TSHZ2: variants seen among roughly 807,000 people sequenced by gnomAD.
The protein encoded by TSHZ2 is teashirt homolog 2.
Under a neutral mutation model 74.4 loss-of-function variants are expected in TSHZ2, and 21 were observed. The observed-to-expected ratio is 0.28, with a 90% confidence interval of 0.20 to 0.41. The LOEUF is 0.41. Ranked by LOEUF, TSHZ2 falls within the 10% of genes least tolerant of loss-of-function variation. TSHZ2 has a pLI of 1.00. For missense variants in TSHZ2, 1,244 were observed against 1,293.5 expected, an observed-to-expected ratio of 0.96 and a Z score of 0.59; for synonymous variants, 540 against 515.3, an observed-to-expected ratio of 1.05 and a Z score of -0.65.
chr20:53,406,781 G>A (rs73278259), intron 2 of TSHZ2, among the ~76,000 whole-genome samples: 12,944 of 152,216 alleles, frequency 0.085, 1,420 homozygotes, highest in African/African-American at 0.25. Context: ...AACATGGCGT[G>A]GGGATTGGGA....
chr20:53,370,907 G>A (rs773177349), intron 2 of TSHZ2, among the ~76,000 whole-genome samples: 2 of 152,124 alleles, frequency 1.3e-5, no homozygotes, highest in South Asian at 2.1e-4. Context: ...TAATTCTCTC[G>A]CAGTTGTGGA....
In TSHZ2 at chr20:53,163,360, C is replaced by CTTTTTTTTTT. The variant is rs55685519; in HGVS notation, c.41-90122_41-90113dup. ...TTAAGTGCACGCACGCTCTCTGTCT[C>CTTTTTTTTTT]TTTTTTTTTTTTTTTTTTTTTTTTT... On this transcript the variant is annotated intron_variant, in intron 1 of 2. Transcript: ENST00000371497. 1.3e-3 allele frequency among the ~76,000 whole-genome samples: 83 copies of CTTTTTTTTTT among 65,632 alleles called. 3 individuals are homozygous for CTTTTTTTTTT. The highest frequency in any genetic ancestry group is 1.8e-3 in the Non-Finnish European group (65 of 35,394). The allele number at this position is 65,632 out of a possible 152,430, so 43.1% of individuals were successfully genotyped here.
At chr20:53,379,592 AAGTGGAC>A (rs1278068839) in intron 2 of TSHZ2, among the ~76,000 whole-genome samples, 1 of 152,162 alleles carries the variant, frequency 6.6e-6, no homozygotes, top group Non-Finnish European at 1.5e-5. Flanking sequence ...AGTGAATTAG[AAGTGGAC>A]AGTCTCTTGG....
In TSHZ2 at chr20:53,255,438, G is replaced by A; in HGVS notation, c.1980G>A (p.Glu660=). Residue 660 remains glutamate, a synonymous_variant, in exon 2 of 3, where the codon GAG becomes GAA. Coordinates refer to ENST00000371497, the MANE Select transcript of TSHZ2 (RefSeq NM_173485.6). The surrounding 1 kb of genome is among the most constrained non-coding windows in gnomAD (Gnocchi z 4.1). ...AGGAGGAGGAGAAGCTGATGAAAGA[G>A]GGCAGCGAGAAGGAGAAACCCCAGC... is the stretch of plus-strand genomic sequence containing the variant. ...PLKEEEKLMK[E]GSEKEKPQPL... The A allele has an allele frequency of 1.2e-6, 2 of 1,612,100 alleles. No individual in the cohort carries two copies. Among genetic ancestry groups the A allele is most frequent in the Non-Finnish European group, 1.7e-6 (2 of 1,180,004 alleles).
intron 2 of TSHZ2, among the ~76,000 whole-genome samples, chr20:53,286,437 G>A (rs962951030): frequency 1.1e-4 from 16 of 152,160 alleles, no homozygotes; most frequent in Non-Finnish European, 1.3e-4. Context: ...CTTTTTCAGG[G>A]CATTTTCCCT....
At chr20:53,267,080 G>A (rs765131223) in intron 2 of TSHZ2, among the ~76,000 whole-genome samples, 44 of 152,224 alleles carry the variant, frequency 2.9e-4, no homozygotes, top group Middle Eastern at 3.4e-3. Flanking sequence ...GCCCGGCCTC[G>A]ATGATGATTA....
chr20:53,081,588 A>G (rs1369152680), intron 1 of TSHZ2, among the ~76,000 whole-genome samples: 1 of 152,212 alleles, frequency 6.6e-6, no homozygotes, highest in Non-Finnish European at 1.5e-5. Context: ...GTAGGATTCC[A>G]GGTAACACTC....
chr20:53,341,598 T>TA (rs1980205805), intron 2 of TSHZ2, among the ~76,000 whole-genome samples: 1 of 152,126 alleles, frequency 6.6e-6, no homozygotes, highest in South Asian at 2.1e-4. Context: ...GTGCTGGAAT[T>TA]ACAGGCTTAA....
At chr20:53,319,511 T>C (rs1979162779) in intron 2 of TSHZ2, among the ~76,000 whole-genome samples, 1 of 151,904 alleles carries the variant, frequency 6.6e-6, no homozygotes, top group Admixed American at 6.6e-5. Context: ...GGACAGAGAG[T>C]GGACAGGGTT....
At chr20:53,269,158 G>GCA (rs1427701051) in intron 2 of TSHZ2, among the ~76,000 whole-genome samples, 1 of 151,876 alleles carries the variant, frequency 6.6e-6, no homozygotes, top group Non-Finnish European at 1.5e-5. Flanking sequence ...CGTGGATCTG[G>GCA]CACACACAGC....
At chr20:53,034,144 G>A (rs1479765021) in intron 1 of TSHZ2, among the ~76,000 whole-genome samples, 7 of 152,202 alleles carry the variant, frequency 4.6e-5, no homozygotes, top group Middle Eastern at 3.4e-3. Context: ...AAATCAACAC[G>A]TGGGAAACAA....
chr20:53,163,716 A>G (rs1283843665), intron 1 of TSHZ2, among the ~76,000 whole-genome samples: 1 of 152,068 alleles, frequency 6.6e-6, no homozygotes, highest in Non-Finnish European at 1.5e-5. Context: ...CTTGCCAAAA[A>G]CTACATGAGT....
chr20:53,122,010 G>A (rs1201531714), intron 1 of TSHZ2, among the ~76,000 whole-genome samples: 2 of 151,974 alleles, frequency 1.3e-5, no homozygotes, highest in Non-Finnish European at 2.9e-5. Context: ...TTTCTGGCTG[G>A]GCGTGGTGGC....
In TSHZ2 at chr20:53,256,696, A is replaced by G. The variant is rs1316715628; in HGVS notation, c.*8+125A>G. 1 of 1,396,466 alleles carries G rather than the reference A, an allele frequency of 7.2e-7. No individual in the cohort carries two copies. The highest frequency in any genetic ancestry group is 9.4e-7 in the Non-Finnish European group (1 of 1,065,888). 86.5% of individuals were successfully genotyped at this position (1,396,466 alleles called of 1,614,324 possible). A position where few individuals can be genotyped will look rare whatever the true frequency, so the allele number is the denominator to read the frequency against. On this transcript the variant is annotated intron_variant, in intron 2 of 2. Coordinates refer to ENST00000371497, the MANE Select transcript of TSHZ2 (RefSeq NM_173485.6). This position sits in a 1 kb window ranked among gnomAD's most constrained non-coding sequence, Gnocchi z 4.3. ...CAGGATAGTAGCTTGCTGGAGTAGG[A>G]TTTATTTTAATGAAAGACCAGAACA...
At chr20:53,313,796 C>T (rs1978884388) in intron 2 of TSHZ2, among the ~76,000 whole-genome samples, 1 of 152,232 alleles carries the variant, frequency 6.6e-6, no homozygotes, top group East Asian at 1.9e-4. Flanking sequence ...TCCACCGAAT[C>T]TGCTTCCATT....
At chr20:53,027,989 C>T (rs559773705) in intron 1 of TSHZ2, among the ~76,000 whole-genome samples, 1 of 152,214 alleles carries the variant, frequency 6.6e-6, no homozygotes, top group South Asian at 2.1e-4. Context: ...CTGAAGTTAT[C>T]CAGGAGACGG....
intron 2 of TSHZ2, among the ~76,000 whole-genome samples, chr20:53,341,588 G>C (rs921842628): frequency 6.6e-6 from 1 of 151,608 alleles, no homozygotes; most frequent in African/African-American, 2.4e-5. Flanking sequence ...GCCTCCCAAA[G>C]TGCTGGAATT....
At chr20:53,110,148 G>T (rs553060069) in intron 1 of TSHZ2, among the ~76,000 whole-genome samples, 1 of 152,004 alleles carries the variant, frequency 6.6e-6, no homozygotes, top group East Asian at 1.9e-4. Flanking sequence ...GTCTTAATCA[G>T]GGCATTTCCA....
At chr20:53,200,822 A>G (rs1175741298) in intron 1 of TSHZ2, among the ~76,000 whole-genome samples, 2 of 152,214 alleles carry the variant, frequency 1.3e-5, no homozygotes, top group African/African-American at 4.8e-5. Context: ...TTGGAAGTAC[A>G]TACTAAAATA....
Sources: allele counts gnomAD v4.1 joint callset (sites outside exome capture counted in the v4.1 genomes callset), GRCh38; gene constraint gnomAD v4.1.1; non-coding constraint Gnocchi (gnomAD v3.1); transcripts MANE v1.5; gene names NCBI Gene and HGNC (gene_info 2026-07-23, HGNC 2026-07-21).